SARM1: variants seen among roughly 807,000 people sequenced by gnomAD.
The protein encoded by SARM1 is NAD(+) hydrolase SARM1.
Under a neutral mutation model 65.1 loss-of-function variants are expected in SARM1, and 60 were observed. The observed-to-expected ratio is 0.92, with a 90% CI of 0.75 to 1.14. The LOEUF is 1.14. Among genes scored for constraint, SARM1 ranks in the 50% most tolerant of loss-of-function variants. The pLI, the probability that SARM1 is intolerant of heterozygous loss-of-function variation, is 0.00. For missense variants in SARM1, 913 were observed against 1,015.7 expected (o/e 0.90, Z 1.37); for synonymous variants, 417 against 465.4 (o/e 0.90, Z 1.34).
intron 1 of SARM1, among the ~76,000 whole-genome samples, chr17:28,374,486 G>A (rs1555584426): frequency 6.6e-6 from 1 of 152,018 alleles, no homozygotes; most frequent in Non-Finnish European, 1.5e-5. Context: ...GCAGTGAGCT[G>A]AGAGCGCGCC....
At position 28,382,923 on chromosome 17, in the gene SARM1, T is replaced by G. The variant is rs566612062; in HGVS notation, c.1089+1102T>G. Among the ~76,000 whole-genome samples, 4 of 152,306 alleles carry G rather than the reference T, an allele frequency of 2.6e-5. No individual in the cohort carries two copies. The South Asian group carries it at 8.3e-4, about 32-fold the overall frequency. ...TATCACTCTCTCTTCTTTGCATTTT[T>G]TTGTGGAGGCTTGGAGGTTGGTGAT... On this transcript the variant is annotated intron_variant, in intron 2 of 8. Transcript: ENST00000585482.
intron 2 of SARM1, 103 bp downstream of exon 2, chr17:28,381,924 A>G: frequency 7.7e-7 from 1 of 1,304,736 alleles, no homozygotes; most frequent in Non-Finnish European, 9.9e-7. Flanking sequence ...ACACATCAGA[A>G]TTAGATGAAG....
rs782755295 is a variant in SARM1 at position 28,396,202 on chromosome 17, C to T, written c.2091C>T (p.Arg697=). The T allele has an allele frequency of 1.2e-6, 2 of 1,614,022 alleles. No homozygotes were observed. The highest frequency in any genetic ancestry group is 2.2e-5 in the South Asian group (2 of 91,086). The change falls in exon 9 of 9, where the codon CGC becomes CGT. Residue 697 remains arginine (R), a synonymous_variant. Transcript: ENST00000585482. ...AGGCCACCATTGAGAAGATCATCCGCTTCCTGCAGGGCCGCTCCTCCCGGG... is the reference window on the plus strand; with the variant it reads ...AGGCCACCATTGAGAAGATCATCCGTTTCCTGCAGGGCCGCTCCTCCCGGG... The part of the protein sequence containing the change: ...YQEATIEKII[R]FLQGRSSRDS...
In SARM1 at chr17:28,371,814, G is replaced by T; in HGVS notation, c.-219G>T. Reference sequence around the variant, plus strand: ...CGCTCTCTCCTTTCGCCCACTCCCTGCATCTGGGCCTGCATCACCTTTGCC... The same window carrying T: ...CGCTCTCTCCTTTCGCCCACTCCCTTCATCTGGGCCTGCATCACCTTTGCC... On this transcript the variant is annotated 5_prime_UTR_variant, in exon 1 of 9. Coordinates refer to ENST00000585482, the MANE Select transcript of SARM1 (RefSeq NM_015077.4). 2.3e-6 allele frequency: 1 copy of T among 430,168 alleles called. No homozygotes were observed. The highest frequency in any genetic ancestry group is 4.1e-6 in the Non-Finnish European group (1 of 243,040). 26.6% of individuals were successfully genotyped at this position (430,168 alleles called of 1,614,324 possible). A position where few individuals can be genotyped will look rare whatever the true frequency, so the allele number is the denominator to read the frequency against.
At chr17:28,387,085 CT>C in intron 5 of SARM1, among the ~76,000 whole-genome samples, 1 of 152,206 alleles carries the variant, frequency 6.6e-6, no homozygotes, top group Non-Finnish European at 1.5e-5. Flanking sequence ...GCAAAAATAG[CT>C]TACAAAAAAT....
At position 28,384,256 on chromosome 17, in the gene SARM1, G is replaced by T; in HGVS notation, c.1090-101G>T. 1 of 976,948 alleles carries T rather than the reference G, an allele frequency of 1.0e-6. No homozygotes were observed. The highest frequency in any genetic ancestry group is 1.5e-6 in the Non-Finnish European group (1 of 665,244). 60.5% of individuals were successfully genotyped at this position (976,948 alleles called of 1,614,324 possible). ...AAGGTGGGGCCAGGGCAGATGGAGA[G>T]ACTTTGGGTTGTGAGAAGAGACAAG... On this transcript the variant is annotated intron_variant, in intron 2 of 8. Coordinates refer to ENST00000585482, the MANE Select transcript of SARM1 (RefSeq NM_015077.4). This position sits in a 1 kb window ranked among gnomAD's most constrained non-coding sequence, Gnocchi z 4.4.
At chr17:28,380,528 G>A (rs2068016832) in intron 1 of SARM1, among the ~76,000 whole-genome samples, 1 of 152,218 alleles carries the variant, frequency 6.6e-6, no homozygotes, top group South Asian at 2.1e-4. Context: ...ATCGCCCTGA[G>A]GATAAGCTCT....
In SARM1 at chr17:28,400,265, C is replaced by A; in HGVS notation, c.*3979C>A. ...AAGCTAGCCTGTGGCCCAGCCACAA[C>A]TAGCTGACAAAGCTTCCTGGCCTTC... is the stretch of plus-strand genomic sequence containing the variant. On this transcript the variant is annotated 3_prime_UTR_variant, in exon 9 of 9. Transcript: ENST00000585482. 1 of 297,338 alleles carries A rather than the reference C, an allele frequency of 3.4e-6. No homozygotes were observed. The highest frequency in any genetic ancestry group is 4.2e-5 in the South Asian group (1 of 23,682). The allele number at this position is 297,338 out of a possible 1,614,324, so 18.4% of individuals were successfully genotyped here.
chr17:28,381,363 G>C lies in SARM1; in HGVS notation c.631G>C (p.Val211Leu), dbSNP rs1555585203. 6.4e-7 allele frequency: 1 copy of C among 1,574,228 alleles called. No homozygotes were observed. The highest frequency in any genetic ancestry group is 8.6e-7 in the Non-Finnish European group (1 of 1,160,966). ...RLVAAGGLDA[V>L]LYWCRRTDPA... ...GGTGGCGGCCGGCGGCCTGGACGCG[G>C]TGCTGTATTGGTGCCGCCGCACGGA... Residue 211 changes from valine to leucine, a missense_variant, in exon 2 of 9, where the codon GTG (valine) becomes CTG (leucine). By Grantham distance (32) the Val-to-Leu change is conservative. Around this residue, in one of 3 missense-constraint regions of SARM1, gnomAD observed 862 missense variants for 952.1 expected, o/e 0.91. Coordinates refer to ENST00000585482, the MANE Select transcript of SARM1 (RefSeq NM_015077.4).
Position 28,402,344 on chromosome 17 carries a change from C to T in SARM1, c.*6058C>T. On this transcript the variant is annotated 3_prime_UTR_variant, in exon 9 of 9. Coordinates refer to ENST00000585482, the MANE Select transcript of SARM1 (RefSeq NM_015077.4). ...ATCCTGTGGAGAAACAAACACTCAT[C>T]AGGAAAATGGGGCTGGGGAGAGGGG... 1 of 1,605,100 alleles carries T rather than the reference C, an allele frequency of 6.2e-7. No homozygotes were observed. Among genetic ancestry groups the T allele is most frequent in the South Asian group, 1.1e-5 (1 of 89,818 alleles).
In SARM1 at chr17:28,385,037, C is replaced by T; in HGVS notation, c.1395-3C>T. On this transcript the variant is annotated splice_polypyrimidine_tract_variant and splice_region_variant and intron_variant, in intron 4 of 8. Coordinates refer to ENST00000585482, the MANE Select transcript of SARM1 (RefSeq NM_015077.4). This position sits in a 1 kb window ranked among gnomAD's most constrained non-coding sequence, Gnocchi z 4.5. ...TCAGCGTCTTCTCCTCCGTGGGGTG[C>T]AGGTTCTTTAGGGAGCTCACGGAGC... is the stretch of plus-strand genomic sequence containing the variant. 2 of 1,612,670 alleles carry T rather than the reference C, an allele frequency of 1.2e-6. No homozygotes were observed. Among genetic ancestry groups the T allele is most frequent in the Non-Finnish European group, 1.7e-6 (2 of 1,178,946 alleles).
chr17:28,393,571 AAAAG>A (rs1223580982), intron 7 of SARM1, among the ~76,000 whole-genome samples: 3 of 152,166 alleles, frequency 2.0e-5, no homozygotes, highest in South Asian at 4.2e-4. Flanking sequence ...CCAAAAAAAA[AAAAG>A]AAAGAAAGAA....
intron 1 of SARM1, among the ~76,000 whole-genome samples, chr17:28,380,425 G>A (rs1232309330): frequency 2.6e-5 from 4 of 152,038 alleles, no homozygotes; most frequent in African/African-American, 9.7e-5. Flanking sequence ...CCTCCTCCAG[G>A]CACACGCCAT....
intron 2 of SARM1, among the ~76,000 whole-genome samples, chr17:28,382,579 T>C (rs2142429631): frequency 6.6e-6 from 1 of 152,338 alleles, no homozygotes; most frequent in Non-Finnish European, 1.5e-5. Context: ...TTTAACTTGC[T>C]GTGTGACCTT....
At chr17:28,379,219 G>A (rs1352120839) in intron 1 of SARM1, among the ~76,000 whole-genome samples, 3 of 150,388 alleles carry the variant, frequency 2.0e-5, no homozygotes, top group Admixed American at 2.0e-4. Context: ...GGACAAAGGA[G>A]AGTGGGAATG....
intron 1 of SARM1, 36 bp from the exon 2 acceptor site, chr17:28,381,167 G>T: frequency 6.5e-7 from 1 of 1,548,058 alleles, no homozygotes; most frequent in Non-Finnish European, 8.7e-7. Flanking sequence ...CCAAGCTGCG[G>T]CAATTCCACT....
rs868946115 is a variant in SARM1, at chr17:28,385,251, G to A, written c.1606G>A (p.Ala536Thr). ...CGGCATCCACCTGGGCGTGCACCGC[G>A]CCCGCATCCTCACGGCGGCCAGAGG... ...DCGIHLGVHR[A>T]RILTAAREML... is the part of the protein sequence containing the mutation. Residue 536 changes from alanine (A) to threonine (T), a missense_variant, in exon 5 of 9, where the codon GCC becomes ACC. Ala to Thr is a moderately conservative substitution (Grantham distance 58). Transcript: ENST00000585482. The surrounding 1 kb of genome is among the most constrained non-coding windows in gnomAD (Gnocchi z 4.5). The A allele has an allele frequency of 5.7e-6, 9 of 1,570,430 alleles. No individual in the cohort carries two copies. The highest frequency in any genetic ancestry group is 7.7e-6 in the Non-Finnish European group (9 of 1,164,322).
chr17:28,373,233 TCAAA>T (rs1400901840), intron 1 of SARM1: 1 of 152,012 alleles, frequency 6.6e-6, no homozygotes, highest in Non-Finnish European at 1.5e-5. Flanking sequence ...CGCAAGAGGG[TCAAA>T]CAGAGGCCTG....
chr17:28,396,687 C>A lies in SARM1; in HGVS notation c.*401C>A, dbSNP rs1185555420. 5.0e-6 allele frequency: 1 copy of A among 201,420 alleles called. No homozygotes were observed. The highest frequency in any genetic ancestry group is 1.0e-5 in the Non-Finnish European group (1 of 98,894). 12.5% of individuals were successfully genotyped at this position (201,420 alleles called of 1,614,324 possible). ...GACAGGAATTAAGGCAATGCCCAGG[C>A]GGGCCTGGGCACTGTATTCTGAGCA... On this transcript the variant is annotated 3_prime_UTR_variant, in exon 9 of 9. Transcript: ENST00000585482.
Sources: allele counts gnomAD v4.1 joint callset (sites outside exome capture counted in the v4.1 genomes callset), GRCh38; gene constraint gnomAD v4.1.1; regional missense constraint gnomAD v4.1.1; non-coding constraint Gnocchi (gnomAD v3.1); transcripts MANE v1.5; gene names NCBI Gene and HGNC (gene_info 2026-07-23, HGNC 2026-07-21).